The following ATP11B variants were observed in gnomAD, a reference collection of about 807,000 sequenced individuals.
ATP11B encodes ATPase phospholipid transporting 11B (putative), also known as phospholipid-transporting ATPase IF.
In ATP11B, 81 loss-of-function variants were observed where a neutral mutation model predicts 157.8. The ratio of observed to expected loss-of-function variants is 0.51; its 90% CI spans 0.43 to 0.62. The LOEUF is 0.62. Among genes scored for constraint, ATP11B ranks in the 20% least tolerant of loss-of-function variants. The pLI, the probability that ATP11B is intolerant of heterozygous loss-of-function variation, is 0.00. For synonymous variants in ATP11B, 451 were observed against 469.4 expected (o/e 0.96, Z 0.51); for missense variants, 1,165 against 1,402.2 (o/e 0.83, Z 2.70).
At chr3:182,842,693 AG>A (rs1300331792) in intron 8 of ATP11B, among the ~76,000 whole-genome samples, 2 of 152,156 alleles carry the variant, frequency 1.3e-5, no homozygotes, top group African/African-American at 4.8e-5. Context: ...CCTGCTCCTG[AG>A]GCTGAACACA....
intron 19 of ATP11B, among the ~76,000 whole-genome samples, chr3:182,876,562 G>A (rs576097336): frequency 1.3e-5 from 2 of 152,146 alleles, no homozygotes; most frequent in Non-Finnish European, 2.9e-5. Context: ...AATTCTGGAG[G>A]CTGGGAAGTT....
At position 182,887,608 on chromosome 3, in the gene ATP11B, T is replaced by C; in HGVS notation, c.2738T>C (p.Leu913Pro). ...TAGACATTGTATGACAGCGTGTACC[T>C]GACTTTATACAATATTTGTTTTACT... ...SQQTLYDSVY[L>P]TLYNICFTSL... The change falls in exon 24 of 30, where the codon CTG becomes CCG. Residue 913 changes from leucine (L) to proline (P), a missense_variant. Around this residue, in one of 4 missense-constraint regions of ATP11B, gnomAD observed 737 missense variants for 930.5 expected, o/e 0.79. Transcript: ENST00000323116. The C allele has an allele frequency of 6.2e-7, 1 of 1,611,808 alleles. No homozygotes were observed.
At chr3:182,899,372 C>T (rs191369954) in intron 28 of ATP11B, among the ~76,000 whole-genome samples, 79 of 151,864 alleles carry the variant, frequency 5.2e-4, no homozygotes, top group Middle Eastern at 3.4e-3. Context: ...AGACTGGTCT[C>T]GATCCCCTGA....
In ATP11B at chr3:182,880,971, T is replaced by C. The variant is rs1722382028; in HGVS notation, c.2499T>C (p.His833=). Reference sequence around the variant, plus strand: ...ACGTAAGCATGATACAAGAAGCCCATGTTGGCATAGGTGATTGATTCTTCC... The same window carrying C: ...ACGTAAGCATGATACAAGAAGCCCACGTTGGCATAGGTGATTGATTCTTCC... ...ANDVSMIQEA[H]VGIGIMGKEG... The change falls in exon 21 of 30, where the codon CAT becomes CAC. Residue 833 remains histidine, a synonymous_variant. Coordinates refer to ENST00000323116, the MANE Select transcript of ATP11B (RefSeq NM_014616.3). 3 of 1,588,476 alleles carry C rather than the reference T, an allele frequency of 1.9e-6. No individual in the cohort carries two copies. The highest frequency in any genetic ancestry group is 2.6e-6 in the Non-Finnish European group (3 of 1,169,074).
chr3:182,921,275 C>T lies in ATP11B; in HGVS notation c.*3171C>T, dbSNP rs1430830113. On this transcript the variant is annotated 3_prime_UTR_variant, in exon 30 of 30. Transcript: ENST00000323116. ...CATGTTTTATTAATTTTGGTCCCCA[C>T]GTACAGACATTTTATTTCTATTTTG... 2 of 152,122 alleles carry T rather than the reference C, an allele frequency of 1.3e-5. No homozygotes were observed. Among genetic ancestry groups the T allele is most frequent in the African/African-American group, 4.8e-5 (2 of 41,432 alleles). 9.4% of individuals were successfully genotyped at this position (152,122 alleles called of 1,614,324 possible).
chr3:182,914,005 T>G lies in ATP11B; in HGVS notation c.3452+11T>G. 6.2e-7 allele frequency: 1 copy of G among 1,613,606 alleles called. No individual in the cohort carries two copies. Among genetic ancestry groups the G allele is most frequent in the South Asian group, 1.1e-5 (1 of 91,044 alleles). ...AACCCACATCAGCAGGTGTGAAATC[T>G]CTCTAAGTAGCCTTTGCTGCAGATG... On this transcript the variant is annotated intron_variant, in intron 29 of 29. Coordinates refer to ENST00000323116, the MANE Select transcript of ATP11B (RefSeq NM_014616.3).
At chr3:182,914,168 A>G (rs1724991702) in intron 29 of ATP11B, 174 bp downstream of exon 29, 1 of 1,419,586 alleles carries the variant, frequency 7.0e-7, no homozygotes. Flanking sequence ...GCTTTGGGGT[A>G]AGGGCTTTTT....
chr3:182,903,246 T>G (rs1447024761), intron 28 of ATP11B, among the ~76,000 whole-genome samples: 1 of 152,194 alleles, frequency 6.6e-6, no homozygotes, highest in Non-Finnish European at 1.5e-5. Flanking sequence ...AAAAGTAATA[T>G]AAGTTATTAT....
At chr3:182,878,398 G>T (rs1213938228) in intron 19 of ATP11B, among the ~76,000 whole-genome samples, 1 of 152,152 alleles carries the variant, frequency 6.6e-6, no homozygotes, top group Non-Finnish European at 1.5e-5. Context: ...GGTGTATATA[G>T]CACAGTGCTA....
At chr3:182,812,330 C>T (rs1324091466) in intron 1 of ATP11B, among the ~76,000 whole-genome samples, 2 of 152,126 alleles carry the variant, frequency 1.3e-5, no homozygotes, top group South Asian at 2.1e-4. Flanking sequence ...GGAGGAAGCT[C>T]AGAAGTGTTT....
At chr3:182,895,799 A>T (rs1577092301) in intron 25 of ATP11B, among the ~76,000 whole-genome samples, 1 of 152,078 alleles carries the variant, frequency 6.6e-6, no homozygotes, top group South Asian at 2.1e-4. Context: ...GCCTGGCAGG[A>T]TATTGATAAG....
intron 19 of ATP11B, among the ~76,000 whole-genome samples, chr3:182,877,694 A>G (rs986440553): frequency 2.6e-5 from 4 of 152,116 alleles, no homozygotes; most frequent in African/African-American, 7.2e-5. Flanking sequence ...CAGAGCTGAG[A>G]GAGAGGAGGG....
At chr3:182,900,327 A>G (rs542815832) in intron 28 of ATP11B, among the ~76,000 whole-genome samples, 61 of 152,286 alleles carry the variant, frequency 4.0e-4, no homozygotes, top group African/African-American at 1.4e-3. Flanking sequence ...GCTACTTTAC[A>G]TGGTTGTTAG....
At chr3:182,916,630 C>T in intron 29 of ATP11B, 1 of 984,116 alleles carries the variant, frequency 1.0e-6, no homozygotes, top group Non-Finnish European at 1.2e-6. Context: ...TCAAAACTAT[C>T]TTCTAAATAG....
chr3:182,829,909 CTGTTA>C (rs1436314430), intron 4 of ATP11B, 157 bp downstream of exon 4: 5 of 984,028 alleles, frequency 5.1e-6, no homozygotes, highest in Non-Finnish European at 6.0e-6. Flanking sequence ...ATTAGCCACT[CTGTTA>C]TATTTCAGGT....
At chr3:182,830,963 C>G (rs1718090105) in intron 4 of ATP11B, among the ~76,000 whole-genome samples, 1 of 152,074 alleles carries the variant, frequency 6.6e-6, no homozygotes, top group Non-Finnish European at 1.5e-5. Context: ...AACAAAGTAA[C>G]ATGTTTGTCC....
intron 25 of ATP11B, among the ~76,000 whole-genome samples, chr3:182,895,914 G>C (rs982812035): frequency 3.9e-5 from 6 of 152,166 alleles, no homozygotes; most frequent in African/African-American, 1.4e-4. Context: ...TTTCTTTAGT[G>C]GTCAGGTGGT....
Position 182,921,062 on chromosome 3 carries a change from A to C in ATP11B, c.*2958A>C, listed in dbSNP as rs1577135120. Reference sequence around the variant, plus strand: ...TCGCTTGAGACTCCTAATAGGCAGGAGTCAAGGCCACTAGAAAATTGACAG... The same window carrying C: ...TCGCTTGAGACTCCTAATAGGCAGGCGTCAAGGCCACTAGAAAATTGACAG... On this transcript the variant is annotated 3_prime_UTR_variant, in exon 30 of 30. Coordinates refer to ENST00000323116, the MANE Select transcript of ATP11B (RefSeq NM_014616.3). 2 of 152,230 alleles carry C rather than the reference A, an allele frequency of 1.3e-5. No homozygotes were observed. Among genetic ancestry groups the C allele is most frequent in the African/African-American group, 4.8e-5 (2 of 41,460 alleles). 9.4% of individuals were successfully genotyped at this position (152,230 alleles called of 1,614,324 possible).
Position 182,885,937 on chromosome 3 carries a change from A to G in ATP11B, c.2656-14A>G. On this transcript the variant is annotated splice_polypyrimidine_tract_variant and intron_variant, in intron 22 of 29. Coordinates refer to ENST00000323116, the MANE Select transcript of ATP11B (RefSeq NM_014616.3). ...AAATATTTTAATTATTTTCCATTTA[A>G]TCTTGTTTTTCAGAATGTGTGCTTT... is the stretch of plus-strand genomic sequence containing the variant. The G allele has an allele frequency of 6.8e-7, 1 of 1,480,540 alleles. No homozygotes were observed. Among genetic ancestry groups the G allele is most frequent in the Non-Finnish European group, 9.0e-7 (1 of 1,113,604 alleles). 91.7% of individuals were successfully genotyped at this position (1,480,540 alleles called of 1,614,324 possible). A position where few individuals can be genotyped will look rare whatever the true frequency, so the allele number is the denominator to read the frequency against.
Sources: allele counts gnomAD v4.1 joint callset (sites outside exome capture counted in the v4.1 genomes callset), GRCh38; gene constraint gnomAD v4.1.1; regional missense constraint gnomAD v4.1.1; transcripts MANE v1.5; gene names NCBI Gene and HGNC (gene_info 2026-07-23, HGNC 2026-07-21).